Variants in OR4F15 observed in about 807,000 individuals in gnomAD.
OR4F15 encodes the protein olfactory receptor family 4 subfamily F member 15.
In OR4F15, 7 loss-of-function variants were observed where a neutral mutation model predicts 11.9. The ratio of observed to expected loss-of-function variants is 0.59; its 90% CI spans 0.33 to 1.10. The LOEUF is 1.10. Among genes scored for constraint, OR4F15 ranks in the 50% least tolerant of loss-of-function variants. The pLI is 0.03. For synonymous variants in OR4F15, 151 were observed against 134.6 expected, an observed-to-expected ratio of 1.12 and a Z score of -0.84; for missense variants, 445 against 377.5, an observed-to-expected ratio of 1.18 and a Z score of -1.48.
intron 1 of OR4F15, among the ~76,000 whole-genome samples, chr15:101,813,979 G>A (rs1902947381): frequency 6.6e-6 from 1 of 152,114 alleles, no homozygotes; most frequent in Non-Finnish European, 1.5e-5. Flanking sequence ...TTCCATGGAG[G>A]GTTTGGGATG....
In OR4F15 at chr15:101,818,329, C is replaced by T; in HGVS notation, c.143C>T (p.Thr48Ile). The change falls in exon 2 of 2, where the codon ACT (threonine) becomes ATT (isoleucine). Residue 48 changes from threonine (T) to isoleucine (I), a missense_variant. By Grantham distance (89) the Thr-to-Ile change is moderately conservative. Transcript: ENST00000332238. ...ATGGGAAACCTTGTCATTGTATTCA[C>T]TGTAACCATGGATGCTCATCTGCAC... The part of the protein sequence containing the change: ...SMMGNLVIVF[T>I]VTMDAHLHSP... 2 of 1,614,112 alleles carry T rather than the reference C, an allele frequency of 1.2e-6. No homozygotes were observed. The highest frequency in any genetic ancestry group is 4.5e-5 in the East Asian group (2 of 44,886).
chr15:101,818,362 T>C lies in OR4F15; in HGVS notation c.176T>C (p.Met59Thr), dbSNP rs754323573. 5 of 1,614,192 alleles carry C rather than the reference T, an allele frequency of 3.1e-6. No homozygotes were observed. The highest frequency in any genetic ancestry group is 4.2e-6 in the Non-Finnish European group (5 of 1,180,002). ...VTMDAHLHSP[M>T]YFLLANLSII... ...ATGGATGCTCATCTGCACTCCCCCATGTATTTCCTCCTGGCTAACCTCTCA... is the reference window on the plus strand; with the variant it reads ...ATGGATGCTCATCTGCACTCCCCCACGTATTTCCTCCTGGCTAACCTCTCA... Residue 59 changes from methionine to threonine, a missense_variant, in exon 2 of 2, where the codon ATG becomes ACG. Met to Thr is a moderately conservative substitution (Grantham distance 81, BLOSUM62 -1). Coordinates refer to ENST00000332238, the MANE Select transcript of OR4F15 (RefSeq NM_001001674.2).
At chr15:101,812,814 G>GA (rs1178134579) in intron 1 of OR4F15, among the ~76,000 whole-genome samples, 3 of 151,694 alleles carry the variant, frequency 2.0e-5, no homozygotes, top group Admixed American at 1.3e-4. Context: ...AAGAATGGAG[G>GA]AAAAAAAAGT....
chr15:101,818,148 A>C lies in OR4F15; in HGVS notation c.-37-2A>C. The C allele has an allele frequency of 7.7e-7, 1 of 1,298,374 alleles. No homozygotes were observed. Among genetic ancestry groups the C allele is most frequent in the Non-Finnish European group, 1.1e-6 (1 of 922,436 alleles). 80.4% of individuals were successfully genotyped at this position (1,298,374 alleles called of 1,614,324 possible). ...TCTTTCTCATTTTCTTTCTTCCTTC[A>C]GGTAAGTAACATGAAAACTGATCTT... On this transcript the variant is annotated splice_acceptor_variant, in intron 1 of 1. Coordinates refer to ENST00000332238, the MANE Select transcript of OR4F15 (RefSeq NM_001001674.2). LOFTEE classifies it low-confidence loss of function (5UTR_SPLICE).
At position 101,818,439 on chromosome 15, in the gene OR4F15, A is replaced by C. The variant is rs1245455487; in HGVS notation, c.253A>C (p.Ile85Leu). Residue 85 changes from isoleucine to leucine, a missense_variant, in exon 2 of 2, where the codon ATT (isoleucine) becomes CTT (leucine). Physicochemically the swap from Ile to Leu is conservative, Grantham distance 5 (BLOSUM62 2). Coordinates refer to ENST00000332238, the MANE Select transcript of OR4F15 (RefSeq NM_001001674.2). ...SITAPKMICDIFKKHKAISFR... is the reference protein window; with the variant it reads ...SITAPKMICDLFKKHKAISFR... ...TACAGCCCCTAAGATGATTTGTGAT[A>C]TTTTCAAGAAGCACAAGGCCATCTC... 4.3e-6 allele frequency: 7 copies of C among 1,614,032 alleles called. No homozygotes were observed. Among genetic ancestry groups the C allele is most frequent in the Non-Finnish European group, 5.9e-6 (7 of 1,179,994 alleles).
At position 101,818,693 on chromosome 15, in the gene OR4F15, T is replaced by C. The variant is rs890506984; in HGVS notation, c.507T>C (p.Cys169=). Reference sequence around the variant, plus strand: ...TTTTTGTGGTAGATTTACCTTTTTGTGGTCCTAATATCTTTGACAGTTTTT... The same window carrying C: ...TTTTTGTGGTAGATTTACCTTTTTGCGGTCCTAATATCTTTGACAGTTTTT... ...QLVFVVDLPF[C]GPNIFDSFYC... The change falls in exon 2 of 2, where the codon TGT becomes TGC. Residue 169 remains cysteine, a synonymous_variant. Transcript: ENST00000332238. The C allele has an allele frequency of 1.4e-5, 22 of 1,614,084 alleles. No individual in the cohort carries two copies. In the Admixed American group the frequency reaches 2.5e-4, roughly 18 times the overall value.
At chr15:101,813,413 G>T (rs1010675133) in intron 1 of OR4F15, among the ~76,000 whole-genome samples, 1 of 151,602 alleles carries the variant, frequency 6.6e-6, no homozygotes, top group Non-Finnish European at 1.5e-5. Flanking sequence ...GGAGGCTGAG[G>T]CTACAGAATC....
In OR4F15 at chr15:101,818,397, A is replaced by G. The variant is rs762632961; in HGVS notation, c.211A>G (p.Met71Val). The G allele has an allele frequency of 6.2e-6, 10 of 1,614,098 alleles. No homozygotes were observed. In the Admixed American group the frequency reaches 1.7e-4, roughly 27 times the overall value. ...CCTGGCTAACCTCTCAATCATTGATATGGCATTTTGCTCAATTACAGCCCC... is the reference window on the plus strand; with the variant it reads ...CCTGGCTAACCTCTCAATCATTGATGTGGCATTTTGCTCAATTACAGCCCC... ...FLLANLSIID[M>V]AFCSITAPKM... The change falls in exon 2 of 2, where the codon ATG (methionine) becomes GTG (valine). Residue 71 changes from methionine (M) to valine (V), a missense_variant. Transcript: ENST00000332238.
rs543500371 is a variant in OR4F15, at chr15:101,813,260, G to C, written c.-38+988G>C. Among the ~76,000 whole-genome samples the C allele has an allele frequency of 2.0e-5, 3 of 152,272 alleles. No homozygotes were observed. The South Asian group carries it at 6.2e-4, about 32-fold the overall frequency. Reference sequence around the variant, plus strand: ...CGGTGGCTCATCACCTGTAATCCCAGCACTTTGGGAGGCCGAGGTGGACAG... The same window carrying C: ...CGGTGGCTCATCACCTGTAATCCCACCACTTTGGGAGGCCGAGGTGGACAG... On this transcript the variant is annotated intron_variant, in intron 1 of 1. Coordinates refer to ENST00000332238, the MANE Select transcript of OR4F15 (RefSeq NM_001001674.2).
In OR4F15 at chr15:101,818,468, T is replaced by C. The variant is rs780960937; in HGVS notation, c.282T>C (p.Phe94=). 2 of 1,614,024 alleles carry C rather than the reference T, an allele frequency of 1.2e-6. No homozygotes were observed. Among genetic ancestry groups the C allele is most frequent in the Non-Finnish European group, 1.7e-6 (2 of 1,180,024 alleles). ...DIFKKHKAIS[F]RGCITQIFFS... ...TCAAGAAGCACAAGGCCATCTCCTTTCGGGGATGTATTACTCAGATCTTCT... is the reference window on the plus strand; with the variant it reads ...TCAAGAAGCACAAGGCCATCTCCTTCCGGGGATGTATTACTCAGATCTTCT... Residue 94 remains phenylalanine, a synonymous_variant, in exon 2 of 2, where the codon TTT becomes TTC. Coordinates refer to ENST00000332238, the MANE Select transcript of OR4F15 (RefSeq NM_001001674.2).
chr15:101,820,170 A>G lies in OR4F15; in HGVS notation c.*1045A>G, dbSNP rs1002411097. The stretch of plus-strand genomic sequence containing the variant: ...CAATTTTGTTTTTGATTTGATGTTC[A>G]TATTCCACTCTTCCATCTTTATCAT... On this transcript the variant is annotated 3_prime_UTR_variant, in exon 2 of 2. Coordinates refer to ENST00000332238, the MANE Select transcript of OR4F15 (RefSeq NM_001001674.2). 7.9e-5 allele frequency: 12 copies of G among 152,340 alleles called. No individual in the cohort carries two copies. The highest frequency in any genetic ancestry group is 1.6e-4 in the Non-Finnish European group (11 of 68,030). The allele number at this position is 152,340 out of a possible 1,614,324, so 9.4% of individuals were successfully genotyped here.
intron 1 of OR4F15, among the ~76,000 whole-genome samples, chr15:101,816,683 A>G (rs1902994440): frequency 6.6e-6 from 1 of 152,122 alleles, no homozygotes; most frequent in African/African-American, 2.4e-5. Flanking sequence ...TTCTTTCTTT[A>G]TGAATTATTT....
chr15:101,814,156 C>G (rs960848195), intron 1 of OR4F15, among the ~76,000 whole-genome samples: 3 of 152,154 alleles, frequency 2.0e-5, no homozygotes, highest in African/African-American at 7.2e-5. Context: ...CTCATCTTTG[C>G]TTTATGAGGG....
At position 101,818,575 on chromosome 15, in the gene OR4F15, T is replaced by C. The variant is rs778889872; in HGVS notation, c.389T>C (p.Leu130Pro). Residue 130 changes from leucine (L) to proline (P), a missense_variant, in exon 2 of 2, where the codon CTC becomes CCC. Coordinates refer to ENST00000332238, the MANE Select transcript of OR4F15 (RefSeq NM_001001674.2). ...FDRYMAICKP[L>P]HYLTIMSPRM... ...AGATACATGGCCATATGTAAACCTC[T>C]CCACTACCTGACCATCATGAGCCCA... is the stretch of plus-strand genomic sequence containing the variant. 1 of 1,614,210 alleles carries C rather than the reference T, an allele frequency of 6.2e-7. No homozygotes were observed. Among genetic ancestry groups the C allele is most frequent in the South Asian group, 1.1e-5 (1 of 91,086 alleles).
rs758665559 is a variant in OR4F15 at position 101,818,279 on chromosome 15, TTTG to T, written c.99_101del (p.Leu33del). On this transcript the variant is annotated inframe_deletion, in exon 2 of 2. Coordinates refer to ENST00000332238, the MANE Select transcript of OR4F15 (RefSeq NM_001001674.2). ...TTCAGCTTCTACTTTTTGTTTTCTC[TTTG>T]TTGTTCTACTTTGCGAGCATGATGG... is the stretch of plus-strand genomic sequence containing the variant. 3.7e-5 allele frequency: 59 copies of T among 1,614,010 alleles called. No homozygotes were observed. The highest frequency in any genetic ancestry group is 4.0e-5 in the Non-Finnish European group (47 of 1,179,958).
At chr15:101,816,724 A>G (rs1054698214) in intron 1 of OR4F15, among the ~76,000 whole-genome samples, 1 of 152,180 alleles carries the variant, frequency 6.6e-6, no homozygotes, top group Admixed American at 6.5e-5. Flanking sequence ...TAAATCAGGA[A>G]CACTTCATTG....
chr15:101,819,221 C>T lies in OR4F15; in HGVS notation c.*96C>T, dbSNP rs149941949. 518 of 766,102 alleles carry T rather than the reference C, an allele frequency of 6.8e-4. 3 individuals carry two copies. In the Middle Eastern group the frequency reaches 8.7e-3, roughly 13 times the overall value. The allele number at this position is 766,102 out of a possible 1,614,324, so 47.5% of individuals were successfully genotyped here. On this transcript the variant is annotated 3_prime_UTR_variant, in exon 2 of 2. Coordinates refer to ENST00000332238, the MANE Select transcript of OR4F15 (RefSeq NM_001001674.2). Reference sequence around the variant, plus strand: ...TCAGAGAAATACTGAAGACTCAGGCCATACTATATGCCTGAAAATTTATGA... The same window carrying T: ...TCAGAGAAATACTGAAGACTCAGGCTATACTATATGCCTGAAAATTTATGA...
chr15:101,819,155 G>C lies in OR4F15; in HGVS notation c.*30G>C. On this transcript the variant is annotated 3_prime_UTR_variant, in exon 2 of 2. Coordinates refer to ENST00000332238, the MANE Select transcript of OR4F15 (RefSeq NM_001001674.2). ...CTTGGCTGTCAAGATGTGTAACTATGGATTACTCCTCATGCTGATTGCATA... is the reference window on the plus strand; with the variant it reads ...CTTGGCTGTCAAGATGTGTAACTATCGATTACTCCTCATGCTGATTGCATA... 1 of 1,421,156 alleles carries C rather than the reference G, an allele frequency of 7.0e-7. No individual in the cohort carries two copies. Among genetic ancestry groups the C allele is most frequent in the Non-Finnish European group, 9.7e-7 (1 of 1,035,922 alleles). The allele number at this position is 1,421,156 out of a possible 1,614,324, so 88.0% of individuals were successfully genotyped here.
intron 1 of OR4F15, among the ~76,000 whole-genome samples, chr15:101,817,027 G>T (rs1903000354): frequency 6.6e-6 from 1 of 151,770 alleles, no homozygotes; most frequent in African/African-American, 2.4e-5. Flanking sequence ...ATCCTCTAGG[G>T]GTGTATTATC....
Sources: allele counts gnomAD v4.1 joint callset (sites outside exome capture counted in the v4.1 genomes callset), GRCh38; gene constraint gnomAD v4.1.1; transcripts MANE v1.5; gene names NCBI Gene and HGNC (gene_info 2026-07-23, HGNC 2026-07-21).